Variants in CHLSN observed in about 807,000 individuals in gnomAD.
The protein encoded by CHLSN is protein cholesin.
the CHLSN span, among the ~76,000 whole-genome samples, chr7:1,102,406 C>G: frequency 6.6e-6 from 1 of 152,212 alleles, no homozygotes; most frequent in Non-Finnish European, 1.5e-5. Flanking sequence ...TCGGCGTCTG[C>G]AGCCACACTC....
At chr7:1,068,878 G>A in the CHLSN span, among the ~76,000 whole-genome samples, 4 of 152,246 alleles carry the variant, frequency 2.6e-5, no homozygotes, top group South Asian at 2.1e-4. Flanking sequence ...GCCCCTGCCC[G>A]ACAACCAATA....
chr7:1,129,721 C>T, the CHLSN span, among the ~76,000 whole-genome samples: 2 of 152,214 alleles, frequency 1.3e-5, no homozygotes, highest in African/African-American at 4.8e-5. Flanking sequence ...GGGGCCACTG[C>T]CATGAGCCAC....
the CHLSN span, among the ~76,000 whole-genome samples, chr7:1,048,415 G>A: frequency 4.6e-5 from 7 of 152,112 alleles, no homozygotes; most frequent in African/African-American, 1.7e-4. Flanking sequence ...GTGCAGTGCA[G>A]GCGCTATGAT....
At chr7:1,137,121 C>T in the CHLSN span, among the ~76,000 whole-genome samples, 13 of 152,112 alleles carry the variant, frequency 8.5e-5, no homozygotes, top group Non-Finnish European at 1.6e-4. Context: ...CTGCCCTGGC[C>T]CCTCCTCGCA....
chr7:1,058,733 T>G, the CHLSN span: 4 of 581,410 alleles, frequency 6.9e-6, no homozygotes, highest in Admixed American at 9.9e-5. Flanking sequence ...CCGAGGCCTG[T>G]GCGTCTCCCA....
chr7:1,038,643 T>C, the CHLSN span, among the ~76,000 whole-genome samples: 1 of 101,980 alleles, frequency 9.8e-6, no homozygotes, highest in Admixed American at 8.9e-5. Flanking sequence ...AGCCGCCCCG[T>C]CCGGGAGGGA....
At chr7:1,108,010 G>T in the CHLSN span, among the ~76,000 whole-genome samples, 122 of 114,570 alleles carry the variant, frequency 1.1e-3, no homozygotes, top group Middle Eastern at 3.9e-3. Flanking sequence ...GCAGAGGGGG[G>T]CTGTGTCCCG....
chr7:1,008,851 GTAAACACACGCACACA>G, the CHLSN span, among the ~76,000 whole-genome samples: 1 of 147,610 alleles, frequency 6.8e-6, no homozygotes, highest in Admixed American at 6.6e-5. Context: ...ACGCACACAC[GTAAACACACGCACACA>G]CGTGTACGCA....
chr7:1,031,400 AGAGACCTGCAGGGAGGGCAGAG>A, the CHLSN span, among the ~76,000 whole-genome samples: 1 of 125,918 alleles, frequency 7.9e-6, no homozygotes, highest in Non-Finnish European at 1.6e-5. Flanking sequence ...CCGGGGGGGC[AGAGACCTGCAGGGAGGGCAGAG>A]TGGTCCGGGG....
At chr7:984,350 G>A in the CHLSN span, 1 of 1,466,094 alleles carries the variant, frequency 6.8e-7, no homozygotes, top group Non-Finnish European at 8.9e-7. Flanking sequence ...CCCGGCCTGA[G>A]GGGACCTAAG....
chr7:1,092,052 G>C, the CHLSN span: 2 of 1,614,010 alleles, frequency 1.2e-6, no homozygotes, highest in Admixed American at 1.7e-5. Flanking sequence ...ACCTCATCCT[G>C]GTGGCCGACT....
At chr7:1,027,914 G>C in the CHLSN span, among the ~76,000 whole-genome samples, 3 of 152,210 alleles carry the variant, frequency 2.0e-5, no homozygotes, top group African/African-American at 4.8e-5. Context: ...CCACAGCGCA[G>C]GGGAGCCTGG....
At chr7:1,075,162 G>A in the CHLSN span, among the ~76,000 whole-genome samples, 5 of 152,188 alleles carry the variant, frequency 3.3e-5, no homozygotes, top group African/African-American at 1.2e-4. Context: ...GACCAAACAC[G>A]GGAGGGGTGT....
At chr7:1,009,871 C>T in the CHLSN span, 5 of 1,234,022 alleles carry the variant, frequency 4.1e-6, no homozygotes, top group South Asian at 1.5e-5. Context: ...ACAGTGTGTG[C>T]GAGTGAAGGC....
the CHLSN span, chr7:1,044,657 C>T: frequency 6.6e-6 from 1 of 151,978 alleles, no homozygotes; most frequent in Non-Finnish European, 1.5e-5. Context: ...CCCAGCAAGC[C>T]GGTGAGTGGG....
the CHLSN span, among the ~76,000 whole-genome samples, chr7:1,136,385 T>C: frequency 5.4e-5 from 2 of 37,136 alleles, no homozygotes; most frequent in Admixed American, 5.8e-4. Flanking sequence ...TATAAATATA[T>C]AAACATATAT....
chr7:1,005,899 C>A, the CHLSN span, among the ~76,000 whole-genome samples: 1 of 152,232 alleles, frequency 6.6e-6, no homozygotes, highest in African/African-American at 2.4e-5. Flanking sequence ...GGGGGCCGGC[C>A]CCCGAAAATG....
chr7:1,006,772 CGACGGCCACAGCGCAGGGAAAGAGCGCAT>C, the CHLSN span, among the ~76,000 whole-genome samples: 1 of 151,962 alleles, frequency 6.6e-6, no homozygotes, highest in Non-Finnish European at 1.5e-5. Context: ...AAAGAGCACA[CGACGGCCACAGCGCAGGGAAAGAGCGCAT>C]GACGGCCACA....
chr7:1,001,026 G>A, the CHLSN span, among the ~76,000 whole-genome samples: 1 of 152,344 alleles, frequency 6.6e-6, no homozygotes, highest in East Asian at 1.9e-4. Flanking sequence ...CCGGCTGCTA[G>A]AGGGGCCGCT....
Sources: allele counts gnomAD v4.1 joint callset (sites outside exome capture counted in the v4.1 genomes callset), GRCh38; gene constraint gnomAD v4.1.1; transcripts MANE v1.5; gene names NCBI Gene and HGNC (gene_info 2026-07-23, HGNC 2026-07-21).